The following UGDH variants were observed in gnomAD, a reference collection of about 807,000 sequenced individuals.
The protein encoded by UGDH is UDP-glucose 6-dehydrogenase.
Under a neutral mutation model 50.6 loss-of-function variants are expected in UGDH, and 38 were observed. The ratio of observed to expected loss-of-function variants is 0.75; its 90% confidence interval spans 0.58 to 0.98. UGDH has a LOEUF of 0.98. UGDH is among the 50% of genes least tolerant of loss of function. UGDH has a pLI of 0.00. For synonymous variants in UGDH, 168 were observed against 199.9 expected, an observed-to-expected ratio of 0.84 and a Z score of 1.35; for missense variants, 465 against 606.2, an observed-to-expected ratio of 0.77 and a Z score of 2.45.
intron 2 of UGDH, among the ~76,000 whole-genome samples, chr4:39,514,461 C>T (rs917569276): frequency 4.0e-5 from 6 of 151,748 alleles, no homozygotes; most frequent in African/African-American, 1.5e-4. Flanking sequence ...CTCCTGGGCT[C>T]AAATGATCCT....
rs1221194267 is a variant in UGDH, at chr4:39,510,773, T to A, written c.353A>T (p.Gln118Leu). ...YIEACARRIVQNSNGYKIVTE... is the reference protein window; with the variant it reads ...YIEACARRIVLNSNGYKIVTE... Reference sequence around the variant, plus strand: ...CACAATTTTGTACCCATTTGAGTTTTGCACAATGCGTCTAGCACAAGCTTC... The same window carrying A: ...CACAATTTTGTACCCATTTGAGTTTAGCACAATGCGTCTAGCACAAGCTTC... The change falls in exon 4 of 12, where the codon CAA (glutamine) becomes CTA (leucine). Residue 118 changes from glutamine to leucine, a missense_variant. Gln to Leu is a moderately radical substitution (Grantham distance 113, BLOSUM62 -2). Coordinates refer to ENST00000316423, the MANE Select transcript of UGDH (RefSeq NM_003359.4). The A allele has an allele frequency of 6.2e-7, 1 of 1,614,254 alleles. No individual in the cohort carries two copies. The highest frequency in any genetic ancestry group is 1.1e-5 in the South Asian group (1 of 91,086).
intron 7 of UGDH, 63 bp downstream of exon 7, chr4:39,508,503 C>T (rs764644380): frequency 7.4e-5 from 111 of 1,503,786 alleles, no homozygotes; most frequent in Non-Finnish European, 9.4e-5. Flanking sequence ...TAAAGTGCTG[C>T]GATTACAGGT....
chr4:39,505,904 TAAA>T (rs11290546), intron 7 of UGDH, among the ~76,000 whole-genome samples, 156 bp from the exon 8 acceptor site: 2 of 144,396 alleles, frequency 1.4e-5, no homozygotes, highest in African/African-American at 5.1e-5. Flanking sequence ...GCCTATGGAT[TAAA>T]AAAAAAAAAA....
intron 11 of UGDH, among the ~76,000 whole-genome samples, chr4:39,503,397 A>T (rs1745902270): frequency 6.6e-6 from 1 of 152,162 alleles, no homozygotes; most frequent in Non-Finnish European, 1.5e-5. Context: ...TGAAACTCCC[A>T]TATGTTTCAT....
intron 7 of UGDH, among the ~76,000 whole-genome samples, chr4:39,506,142 G>A (rs1176114611): frequency 6.6e-6 from 1 of 151,104 alleles, no homozygotes; most frequent in African/African-American, 2.4e-5. Context: ...GAGGTGGGAT[G>A]GCTTGAGCAC....
At position 39,510,870 on chromosome 4, in the gene UGDH, A is replaced by G. The variant is rs1438641067; in HGVS notation, c.265-9T>C. The G allele has an allele frequency of 6.2e-7, 1 of 1,614,072 alleles. No individual in the cohort carries two copies. The highest frequency in any genetic ancestry group is 1.1e-5 in the South Asian group (1 of 91,090). On this transcript the variant is annotated splice_polypyrimidine_tract_variant and intron_variant, in intron 3 of 11. Transcript: ENST00000316423. ...TTTGTTGGAGTATTCACCTGATGTA[A>G]GTATATGGGATAAAGAACAGAGTGC... is the stretch of plus-strand genomic sequence containing the variant.
intron 7 of UGDH, among the ~76,000 whole-genome samples, chr4:39,507,522 C>T (rs1746074166): frequency 6.6e-6 from 1 of 152,186 alleles, no homozygotes; most frequent in South Asian, 2.1e-4. Context: ...AGGCCAGTCT[C>T]GAACTCCCAA....
chr4:39,505,783 TA>T (rs1172587654), intron 7 of UGDH, 35 bp from the exon 8 acceptor site: 13 of 1,576,926 alleles, frequency 8.2e-6, no homozygotes, highest in Non-Finnish European at 1.1e-5. Flanking sequence ...AATGATTAGT[TA>T]AAAGAGGCAC....
intron 3 of UGDH, among the ~76,000 whole-genome samples, chr4:39,511,764 C>T (rs1463574543): frequency 6.7e-6 from 1 of 149,178 alleles, no homozygotes; most frequent in Non-Finnish European, 1.5e-5. Context: ...GGCTGGAGTG[C>T]AGTGGCGCGA....
intron 11 of UGDH, among the ~76,000 whole-genome samples, chr4:39,501,459 G>T (rs1235413580): frequency 6.6e-6 from 1 of 151,156 alleles, no homozygotes; most frequent in African/African-American, 2.4e-5. Flanking sequence ...ATTTTTAGTA[G>T]AGATGGGTTT....
chr4:39,526,908 A>G, intron 1 of UGDH: 4 of 738,540 alleles, frequency 5.4e-6, no homozygotes, highest in South Asian at 4.9e-5. Context: ...CACAAACAAA[A>G]GACTACGACT....
At chr4:39,513,814 C>T (rs773292682) in intron 3 of UGDH, among the ~76,000 whole-genome samples, 2 of 152,158 alleles carry the variant, frequency 1.3e-5, no homozygotes, top group Non-Finnish European at 2.9e-5. Context: ...GGATTACAGG[C>T]GTGAGCCACC....
chr4:39,513,150 A>G (rs1324639060), intron 3 of UGDH, among the ~76,000 whole-genome samples: 1 of 152,098 alleles, frequency 6.6e-6, no homozygotes. Flanking sequence ...TCAGCTTCCA[A>G]CTGGTGATAG....
rs1202727922 is a variant in UGDH at position 39,521,344 on chromosome 4, T to G, written c.162+7A>C. 4.4e-6 allele frequency: 7 copies of G among 1,600,670 alleles called. No individual in the cohort carries two copies. The East Asian group carries it at 1.1e-4, about 26-fold the overall frequency. On this transcript the variant is annotated splice_region_variant and intron_variant, in intron 2 of 11. Transcript: ENST00000316423. ...CATAAAAACAAAGAGATGTTTAATATGTTTACCTCATAAATAGGAAGTGTA... is the reference window on the plus strand; with the variant it reads ...CATAAAAACAAAGAGATGTTTAATAGGTTTACCTCATAAATAGGAAGTGTA...
chr4:39,518,649 G>C (rs1414729998), intron 2 of UGDH, among the ~76,000 whole-genome samples: 3 of 151,310 alleles, frequency 2.0e-5, no homozygotes, highest in Non-Finnish European at 4.4e-5. Flanking sequence ...AAAAGGAACA[G>C]GGGTCTTGCA....
chr4:39,509,320 A>G (rs1025457743), intron 6 of UGDH, among the ~76,000 whole-genome samples: 9 of 152,102 alleles, frequency 5.9e-5, no homozygotes, highest in Non-Finnish European at 1.3e-4. Flanking sequence ...AGGGCCAGAC[A>G]GTAAGTATTT....
At chr4:39,509,697 C>G (rs777740224) in intron 6 of UGDH, 63 bp downstream of exon 6, 11 of 1,543,912 alleles carry the variant, frequency 7.1e-6, no homozygotes, top group Non-Finnish European at 9.6e-6. Context: ...CTGGTACCAG[C>G]AAATAATATG....
chr4:39,526,094 G>C (rs1189244417), intron 1 of UGDH, among the ~76,000 whole-genome samples: 1 of 152,158 alleles, frequency 6.6e-6, no homozygotes, highest in African/African-American at 2.4e-5. Flanking sequence ...AGCATATTTT[G>C]CATAGGTACC....
intron 11 of UGDH, among the ~76,000 whole-genome samples, chr4:39,500,985 G>A (rs1159002826): frequency 1.4e-5 from 2 of 146,036 alleles, no homozygotes; most frequent in East Asian, 4.0e-4. Flanking sequence ...TTTTTTTTGA[G>A]ATGGAGTCTT....
Sources: gnomAD v4.1 joint callset for allele counts (sites outside exome capture counted in the v4.1 genomes callset) on GRCh38, gnomAD v4.1.1 for gene constraint, MANE v1.5 for transcripts, NCBI Gene and HGNC (gene_info 2026-07-23, HGNC 2026-07-21) for gene names.